SERPINE2: variants seen among roughly 807,000 people sequenced by gnomAD.
The protein encoded by SERPINE2 is serpin family E member 2.
SERPINE2 carries 14 observed loss-of-function variants against 36.3 expected under a neutral mutation model. The ratio of observed to expected loss-of-function variants is 0.39; its 90% CI spans 0.25 to 0.60. SERPINE2 has a LOEUF of 0.60. Among genes scored for constraint, SERPINE2 ranks in the 20% least tolerant of loss-of-function variants. The probability of loss-of-function intolerance (pLI) is 0.57; values close to 1 mark genes in which losing one functional copy is unlikely to be tolerated. For synonymous variants in SERPINE2, 192 were observed against 191.8 expected, an observed-to-expected ratio of 1.00 and a Z score of -0.01; for missense variants, 418 against 499.6, an observed-to-expected ratio of 0.84 and a Z score of 1.56.
At chr2:224,020,043 AT>A (rs890404758) in intron 1 of SERPINE2, among the ~76,000 whole-genome samples, 9 of 152,186 alleles carry the variant, frequency 5.9e-5, no homozygotes, top group African/African-American at 2.2e-4. Context: ...GGTGGTTAGT[AT>A]TTTAATTCTG....
At chr2:224,001,604 G>A in intron 2 of SERPINE2, 38 bp downstream of exon 2, 1 of 1,587,570 alleles carries the variant, frequency 6.3e-7, no homozygotes, top group South Asian at 1.1e-5. Context: ...AAGACTCTCA[G>A]GCAAAGGCTC....
At chr2:223,989,650 T>C (rs1574817596) in intron 4 of SERPINE2, among the ~76,000 whole-genome samples, 1 of 152,220 alleles carries the variant, frequency 6.6e-6, no homozygotes, top group South Asian at 2.1e-4. Flanking sequence ...CCCTGCTGCA[T>C]GGCCCAGAAC....
At chr2:224,038,718 G>A in intron 1 of SERPINE2, 1 of 602,106 alleles carries the variant, frequency 1.7e-6, no homozygotes, top group Non-Finnish European at 3.0e-6. Flanking sequence ...GCGAGCAGCT[G>A]GAAACCTCAG....
At chr2:223,987,920 A>G (rs1180968101) in intron 4 of SERPINE2, among the ~76,000 whole-genome samples, 1 of 152,222 alleles carries the variant, frequency 6.6e-6, no homozygotes, top group East Asian at 1.9e-4. Context: ...TTCTACTACA[A>G]GTAAATATGG....
chr2:224,034,745 C>G (rs927632535), intron 1 of SERPINE2, among the ~76,000 whole-genome samples: 5 of 152,162 alleles, frequency 3.3e-5, no homozygotes, highest in Non-Finnish European at 5.9e-5. Context: ...TACAGACTCC[C>G]CACTGCTGTT....
chr2:224,013,919 C>T (rs1180898342), intron 1 of SERPINE2: 1 of 152,322 alleles, frequency 6.6e-6, no homozygotes, highest in East Asian at 1.9e-4. Flanking sequence ...AGCTGCCAAA[C>T]TTCTCAACAG....
chr2:224,006,671 A>C (rs917964275), intron 1 of SERPINE2, among the ~76,000 whole-genome samples: 2 of 152,234 alleles, frequency 1.3e-5, no homozygotes, highest in African/African-American at 4.8e-5. Context: ...TGGTAGACAC[A>C]AAATCAGAGG....
At position 224,038,666 on chromosome 2, in the gene SERPINE2, C is replaced by T. The variant is rs562498271; in HGVS notation, c.-23+433G>A. Reference sequence around the variant, plus strand: ...AAGTAAGAGTGCGCCAGTCTCTCCCCATCCGGCGGCGCGCAGCCTAAGTCC... The same window carrying T: ...AAGTAAGAGTGCGCCAGTCTCTCCCTATCCGGCGGCGCGCAGCCTAAGTCC... On this transcript the variant is annotated intron_variant, in intron 1 of 8. Coordinates refer to ENST00000409304, the MANE Select transcript of SERPINE2 (RefSeq NM_001136528.2). 50 of 690,952 alleles carry T rather than the reference C, an allele frequency of 7.2e-5. No homozygotes were observed. The African/African-American group carries it at 7.5e-4, about 10-fold the overall frequency. 42.8% of individuals were successfully genotyped at this position (690,952 alleles called of 1,614,324 possible).
chr2:223,991,601 T>A (rs544600029), intron 4 of SERPINE2, among the ~76,000 whole-genome samples: 3 of 152,372 alleles, frequency 2.0e-5, no homozygotes, highest in Non-Finnish European at 4.4e-5. Flanking sequence ...ATATTATGCA[T>A]ATTATGCTAT....
intron 2 of SERPINE2, among the ~76,000 whole-genome samples, chr2:224,000,053 C>T (rs771393608): frequency 1.7e-4 from 26 of 152,322 alleles, no homozygotes; most frequent in East Asian, 5.8e-4. Flanking sequence ...CTGGAGGCCA[C>T]GCTGAGCAGA....
At position 223,998,338 on chromosome 2, in the gene SERPINE2, A is replaced by G; in HGVS notation, c.264T>C (p.Val88=). 6.2e-7 allele frequency: 1 copy of G among 1,608,966 alleles called. No individual in the cohort carries two copies. Among genetic ancestry groups the G allele is most frequent in the Non-Finnish European group, 8.5e-7 (1 of 1,175,396 alleles). Residue 88 remains valine, a synonymous_variant, in exon 3 of 9, where the codon GTT becomes GTC. Coordinates refer to ENST00000409304, the MANE Select transcript of SERPINE2 (RefSeq NM_001136528.2). ...TGTTGATCTTCTTTAATATTTTACC[A>G]ACTCCTAAAAGAGAAATCAGAAGAT... ...AMVMRYGVNG[V]GKILKKINKA...
intron 1 of SERPINE2, among the ~76,000 whole-genome samples, chr2:224,004,755 A>G (rs1691327553): frequency 6.6e-6 from 1 of 151,968 alleles, no homozygotes; most frequent in Non-Finnish European, 1.5e-5. Flanking sequence ...AATCTTTCTT[A>G]CAAATGGCCA....
rs1689995604 is a variant in SERPINE2, at chr2:223,975,968, A to G, written c.1157-64T>C. The G allele has an allele frequency of 2.1e-6, 3 of 1,447,184 alleles. No homozygotes were observed. In the Admixed American group the frequency reaches 5.4e-5, roughly 26 times the overall value. 89.6% of individuals were successfully genotyped at this position (1,447,184 alleles called of 1,614,324 possible). On this transcript the variant is annotated intron_variant, in intron 8 of 8. Transcript: ENST00000409304. The stretch of plus-strand genomic sequence containing the variant: ...TTAATAATCCTTAAAATAAGATGGA[A>G]GGTATTCTATTTAAGGGAAGGGAAA...
intron 1 of SERPINE2, chr2:224,031,484 T>C (rs1050537680): frequency 1.0e-6 from 1 of 985,490 alleles, no homozygotes; most frequent in South Asian, 4.7e-5. Flanking sequence ...GGATTGACCA[T>C]GTGATTTGGG....
intron 6 of SERPINE2, 149 bp downstream of exon 6, chr2:223,982,532 C>T: frequency 2.1e-6 from 1 of 472,460 alleles, no homozygotes; most frequent in Non-Finnish European, 3.7e-6. Flanking sequence ...AAACGAAGGC[C>T]AATAGCATAA....
At chr2:223,992,282 T>G (rs1334998928) in intron 3 of SERPINE2, among the ~76,000 whole-genome samples, 1 of 152,194 alleles carries the variant, frequency 6.6e-6, no homozygotes, top group Non-Finnish European at 1.5e-5. Flanking sequence ...ATCAATTCCC[T>G]GCAAGTCCAG....
At chr2:224,030,252 C>A in intron 1 of SERPINE2, 1 of 984,428 alleles carries the variant, frequency 1.0e-6, no homozygotes, top group South Asian at 4.7e-5. Context: ...GGAGTACTGC[C>A]CACTGAGAGT....
At chr2:223,999,362 G>A (rs753193749) in intron 2 of SERPINE2, among the ~76,000 whole-genome samples, 5 of 152,072 alleles carry the variant, frequency 3.3e-5, no homozygotes, top group Admixed American at 6.6e-5. Flanking sequence ...CTTCTTCATC[G>A]CTTGGGGTCT....
At chr2:224,031,766 C>G (rs926240797) in intron 1 of SERPINE2, among the ~76,000 whole-genome samples, 1 of 149,448 alleles carries the variant, frequency 6.7e-6, no homozygotes, top group Non-Finnish European at 1.5e-5. Context: ...CCCACCCCCC[C>G]CGCCGGCTGG....
Sources: gnomAD v4.1 joint callset for allele counts (sites outside exome capture counted in the v4.1 genomes callset) on GRCh38, gnomAD v4.1.1 for gene constraint, MANE v1.5 for transcripts, NCBI Gene and HGNC (gene_info 2026-07-23, HGNC 2026-07-21) for gene names.